Variants in ZC3HAV1 observed in about 807,000 individuals in gnomAD.
The protein encoded by ZC3HAV1 is zinc finger CCCH-type antiviral protein 1.
A neutral mutation model predicts 86.6 loss-of-function variants in ZC3HAV1; 41 were observed. The observed-to-expected ratio is 0.47, with a 90% CI of 0.37 to 0.61. The LOEUF is 0.61. Among genes scored for constraint, ZC3HAV1 ranks in the 20% least tolerant of loss-of-function variants. The probability of loss-of-function intolerance (pLI) is 0.00; values close to 1 mark genes in which losing one functional copy is unlikely to be tolerated. For missense variants in ZC3HAV1, 964 were observed against 1,141.1 expected (o/e 0.84, Z 2.24); for synonymous variants, 421 against 432.1 (o/e 0.97, Z 0.32).
intron 2 of ZC3HAV1, among the ~76,000 whole-genome samples, chr7:139,088,810 T>C (rs1224958420): frequency 6.6e-6 from 1 of 152,140 alleles, no homozygotes; most frequent in African/African-American, 2.4e-5. Context: ...AAAACTTTGT[T>C]TATAAAAACA....
At chr7:139,049,144 C>CGTT (rs55899318) in intron 12 of ZC3HAV1, among the ~76,000 whole-genome samples, 21,149 of 85,860 alleles carry the variant, frequency 0.25, 2,604 homozygotes, top group African/African-American at 0.43. Flanking sequence ...TTTTTTTTTT[C>CGTT]GTTGTTGTTG....
chr7:139,090,573 C>T (rs1467445767), intron 1 of ZC3HAV1, among the ~76,000 whole-genome samples: 4 of 151,956 alleles, frequency 2.6e-5, no homozygotes, highest in Non-Finnish European at 5.9e-5. Flanking sequence ...TCTGTTTTTT[C>T]CTATCGTGAA....
chr7:139,087,129 G>T (rs1817292715), intron 2 of ZC3HAV1, among the ~76,000 whole-genome samples: 1 of 152,124 alleles, frequency 6.6e-6, no homozygotes, highest in Non-Finnish European at 1.5e-5. Context: ...CTAGACTAAG[G>T]ATAGACCACA....
Position 139,109,419 on chromosome 7 carries a change from G to A in ZC3HAV1, c.-88C>T, listed in dbSNP as rs1008664523. On this transcript the variant is annotated 5_prime_UTR_variant, in exon 1 of 13. Transcript: ENST00000242351. ...GAAACTTACAAGTGTCCAGGGGCGG[G>A]CGCGGGCGGTGCTACTGCTGGGCGC... The A allele has an allele frequency of 2.0e-5, 29 of 1,426,896 alleles. No individual in the cohort carries two copies. Among genetic ancestry groups the A allele is most frequent in the Admixed American group, 2.8e-5 (1 of 36,058 alleles). 88.4% of individuals were successfully genotyped at this position (1,426,896 alleles called of 1,614,324 possible).
intron 1 of ZC3HAV1, among the ~76,000 whole-genome samples, chr7:139,094,480 A>C (rs1416591582): frequency 6.8e-6 from 1 of 147,822 alleles, no homozygotes; most frequent in East Asian, 2.1e-4. Flanking sequence ...GGCGAGTTGC[A>C]GTAGGAGGTG....
intron 12 of ZC3HAV1, among the ~76,000 whole-genome samples, chr7:139,051,361 T>C (rs1816117103): frequency 6.6e-6 from 1 of 151,888 alleles, no homozygotes; most frequent in Admixed American, 6.6e-5. Flanking sequence ...CTGACCTGGA[T>C]CTGTTATTTT....
chr7:139,101,448 C>A (rs1184816327), intron 1 of ZC3HAV1, among the ~76,000 whole-genome samples: 1 of 116,658 alleles, frequency 8.6e-6, no homozygotes, highest in Non-Finnish European at 1.7e-5. Flanking sequence ...AGCGCCTCTG[C>A]CCTGCCGCCC....
intron 2 of ZC3HAV1, among the ~76,000 whole-genome samples, chr7:139,089,222 G>A (rs1264574453): frequency 6.7e-6 from 1 of 148,830 alleles, no homozygotes; most frequent in Admixed American, 6.7e-5. Flanking sequence ...CATTTTATTT[G>A]AATCACTGTA....
intron 2 of ZC3HAV1, among the ~76,000 whole-genome samples, chr7:139,088,585 C>A (rs1817343115): frequency 6.6e-6 from 1 of 152,146 alleles, no homozygotes; most frequent in Admixed American, 6.6e-5. Context: ...TGACCTGAGC[C>A]CCTTGATGAC....
intron 2 of ZC3HAV1, among the ~76,000 whole-genome samples, chr7:139,085,114 G>C (rs1451986377): frequency 1.3e-5 from 2 of 152,204 alleles, no homozygotes; most frequent in East Asian, 3.9e-4. Flanking sequence ...TGTTAGAAAT[G>C]CAAATCTTCA....
intron 12 of ZC3HAV1, among the ~76,000 whole-genome samples, chr7:139,052,326 C>A (rs1326306350): frequency 2.3e-5 from 3 of 128,186 alleles, no homozygotes; most frequent in African/African-American, 8.9e-5. Context: ...TGCATGCAGG[C>A]CAGGCGCAGT....
chr7:139,092,308 G>T (rs1053485498), intron 1 of ZC3HAV1, among the ~76,000 whole-genome samples: 1 of 152,188 alleles, frequency 6.6e-6, no homozygotes, highest in African/African-American at 2.4e-5. Context: ...AGCCAAGATG[G>T]AGTCTGTCTG....
intron 2 of ZC3HAV1, among the ~76,000 whole-genome samples, chr7:139,088,116 C>T (rs1011237098): frequency 6.6e-6 from 1 of 151,800 alleles, no homozygotes; most frequent in African/African-American, 2.4e-5. Flanking sequence ...TCCATCCCTT[C>T]CACTCACCCA....
At chr7:139,058,269 C>G (rs1469451030) in intron 9 of ZC3HAV1, among the ~76,000 whole-genome samples, 2 of 151,394 alleles carry the variant, frequency 1.3e-5, no homozygotes, top group Non-Finnish European at 2.9e-5. Context: ...CCTGGGCAAC[C>G]TGGAGAAACC....
rs1818046549 is a variant in ZC3HAV1, at chr7:139,109,505, C to T, written c.-174G>A. ...TTAGCCCAGCCCAGCGATCCACTCT[C>T]GGCTCTCAGGTCAAGAGGCTAGATC... On this transcript the variant is annotated 5_prime_UTR_variant, in exon 1 of 13. Coordinates refer to ENST00000242351, the MANE Select transcript of ZC3HAV1 (RefSeq NM_020119.4). 1.2e-5 allele frequency: 10 copies of T among 803,702 alleles called. No homozygotes were observed. The South Asian group carries it at 1.5e-4, about 12-fold the overall frequency. The allele number at this position is 803,702 out of a possible 1,614,324, so 49.8% of individuals were successfully genotyped here. A position where few individuals can be genotyped will look rare whatever the true frequency, so the allele number is the denominator to read the frequency against.
intron 7 of ZC3HAV1, among the ~76,000 whole-genome samples, chr7:139,070,015 G>T (rs1237160812): frequency 3.9e-5 from 6 of 152,072 alleles, no homozygotes; most frequent in Non-Finnish European, 5.9e-5. Flanking sequence ...GATATGTGGG[G>T]TTCAAATCTC....
At chr7:139,065,461 C>T (rs1816571735) in intron 7 of ZC3HAV1, among the ~76,000 whole-genome samples, 1 of 152,126 alleles carries the variant, frequency 6.6e-6, no homozygotes, top group Admixed American at 6.6e-5. Context: ...TGGTCCTCGT[C>T]CAAACTCCAA....
chr7:139,109,476 G>A lies in ZC3HAV1; in HGVS notation c.-145C>T. 9.7e-7 allele frequency: 1 copy of A among 1,031,406 alleles called. No individual in the cohort carries two copies. Among genetic ancestry groups the A allele is most frequent in the Non-Finnish European group, 1.4e-6 (1 of 736,156 alleles). The allele number at this position is 1,031,406 out of a possible 1,614,324, so 63.9% of individuals were successfully genotyped here. On this transcript the variant is annotated 5_prime_UTR_variant, in exon 1 of 13. Coordinates refer to ENST00000242351, the MANE Select transcript of ZC3HAV1 (RefSeq NM_020119.4). ...AGTCAGCGAGGGCGCGCTCTCCGTC[G>A]CCGTTAGCCCAGCCCAGCGATCCAC...
rs770225433 is a variant in ZC3HAV1 at position 139,053,933 on chromosome 7, A to C, written c.2318+32T>G. The C allele has an allele frequency of 5.0e-6, 8 of 1,590,168 alleles. No homozygotes were observed. The African/African-American group carries it at 1.1e-4, about 22-fold the overall frequency. On this transcript the variant is annotated intron_variant, in intron 11 of 12. Coordinates refer to ENST00000242351, the MANE Select transcript of ZC3HAV1 (RefSeq NM_020119.4). The stretch of plus-strand genomic sequence containing the variant: ...ATATTAACTAATCCTTTCCGGTTTT[A>C]TGTAAAGAAACACGATAACGTGGCC...
Sources: allele counts gnomAD v4.1 joint callset (sites outside exome capture counted in the v4.1 genomes callset), GRCh38; gene constraint gnomAD v4.1.1; transcripts MANE v1.5; gene names NCBI Gene and HGNC (gene_info 2026-07-23, HGNC 2026-07-21).